The following OPHN1 variants were observed in gnomAD, a reference collection of about 807,000 sequenced individuals.
OPHN1 encodes oligophrenin 1, also known as oligophrenin-1.
A neutral mutation model predicts 60.7 loss-of-function variants in OPHN1; 11 were observed. The ratio of observed to expected loss-of-function variants is 0.18; its 90% confidence interval spans 0.11 to 0.30. OPHN1 has a LOEUF of 0.30. Among genes scored for constraint, OPHN1 ranks in the 10% least tolerant of loss-of-function variants. The probability of loss-of-function intolerance (pLI) is 1.00; values close to 1 mark genes in which losing one functional copy is unlikely to be tolerated. For synonymous variants in OPHN1, 226 were observed against 222.6 expected (o/e 1.02, Z -0.14); for missense variants, 449 against 611.0 (o/e 0.73, Z 2.80).
chrX:68,256,223 G>A (rs188458628), intron 5 of OPHN1, among the ~76,000 whole-genome samples: 9 of 111,136 alleles, frequency 8.1e-5, no homozygotes, highest in Admixed American at 1.9e-4. Flanking sequence ...TCTCCTTGGC[G>A]GGCACTATCT....
At chrX:68,130,464 G>T (rs748936797) in intron 15 of OPHN1, among the ~76,000 whole-genome samples, 1 of 111,457 alleles carries the variant, frequency 9.0e-6, no homozygotes, top group Non-Finnish European at 1.9e-5. Flanking sequence ...GCACAAATAC[G>T]TCATCACATA....
intron 6 of OPHN1, among the ~76,000 whole-genome samples, chrX:68,222,956 GA>G (rs201391248): frequency 1.5e-4 from 16 of 106,740 alleles, no homozygotes; most frequent in East Asian, 1.5e-3. Flanking sequence ...TAAATAAAAA[GA>G]AAAAAAAAGA....
chrX:68,126,925 A>G (rs1314609145), intron 15 of OPHN1, among the ~76,000 whole-genome samples: 1 of 111,869 alleles, frequency 8.9e-6, no homozygotes, highest in African/African-American at 3.2e-5. Flanking sequence ...AGAATTTTAA[A>G]CTTTTTTACT....
intron 7 of OPHN1, among the ~76,000 whole-genome samples, chrX:68,213,275 G>A (rs775767549): frequency 8.9e-6 from 1 of 111,758 alleles, no homozygotes; most frequent in East Asian, 2.8e-4. Context: ...GGAGGCTGAG[G>A]TGGGAGGATC....
At chrX:68,058,498 T>C (rs982095951) in intron 21 of OPHN1, among the ~76,000 whole-genome samples, 1 of 111,669 alleles carries the variant, frequency 9.0e-6, no homozygotes, top group African/African-American at 3.3e-5. Context: ...GAGTTAGACC[T>C]TGAGGTTAGT....
chrX:68,192,712 TG>T, intron 15 of OPHN1: 1 of 418,649 alleles, frequency 2.4e-6, no homozygotes, highest in Non-Finnish European at 4.2e-6. Context: ...CTGGAGTGAA[TG>T]GGATACGAGG....
intron 2 of OPHN1, among the ~76,000 whole-genome samples, chrX:68,389,728 T>C (rs766214405): frequency 9.2e-6 from 1 of 108,286 alleles, no homozygotes; most frequent in South Asian, 4.0e-4. Context: ...TAGAGTGTTG[T>C]GGTTAAGAGT....
intron 21 of OPHN1, among the ~76,000 whole-genome samples, chrX:68,060,290 GAA>G (rs1323494576): frequency 9.0e-6 from 1 of 111,279 alleles, no homozygotes; most frequent in East Asian, 2.8e-4. Context: ...ATGGTATAAA[GAA>G]AAAGAGTCCC....
intron 15 of OPHN1, among the ~76,000 whole-genome samples, chrX:68,157,239 T>A (rs575891690): frequency 1.8e-5 from 2 of 111,979 alleles, no homozygotes; most frequent in African/African-American, 6.5e-5. Flanking sequence ...TCCATCATAA[T>A]AGAAAGTTGT....
intron 2 of OPHN1, among the ~76,000 whole-genome samples, chrX:68,328,308 T>G (rs1037006304): frequency 3.7e-5 from 4 of 107,900 alleles, no homozygotes; most frequent in African/African-American, 1.4e-4. Flanking sequence ...TTTTGTATTT[T>G]TAGTAGAGAC....
intron 5 of OPHN1, among the ~76,000 whole-genome samples, chrX:68,264,522 G>A (rs1201260277): frequency 8.9e-6 from 1 of 112,046 alleles, no homozygotes; most frequent in Non-Finnish European, 1.9e-5. Context: ...ATCATCACTG[G>A]CCATTAGAGA....
At chrX:68,063,378 G>A (rs7877568) in intron 21 of OPHN1, among the ~76,000 whole-genome samples, 16 of 109,862 alleles carry the variant, frequency 1.5e-4, no homozygotes, top group Non-Finnish European at 2.5e-4. Context: ...AAAATTAGCC[G>A]GGCATGGTGG....
intron 21 of OPHN1, among the ~76,000 whole-genome samples, chrX:68,061,320 G>A (rs1468717296): frequency 1.8e-5 from 2 of 111,501 alleles, no homozygotes; most frequent in Admixed American, 9.5e-5. Context: ...AAGGGGAAGA[G>A]GGGAATGCCA....
chrX:68,348,315 C>T (rs993625985), intron 2 of OPHN1, among the ~76,000 whole-genome samples: 2 of 84,005 alleles, frequency 2.4e-5, no homozygotes, highest in Non-Finnish European at 4.0e-5. Context: ...AGAAACACAT[C>T]TAATTAGGTT....
chrX:68,075,219 T>G lies in OPHN1; in HGVS notation c.1687-1920A>C, dbSNP rs191775999. Among the ~76,000 whole-genome samples, 248 of 112,132 alleles carry G rather than the reference T, an allele frequency of 2.2e-3. 3 individuals are homozygous for G. Among genetic ancestry groups the G allele is most frequent in the Non-Finnish European group, 5.3e-4 (28 of 53,211 alleles). On this transcript the variant is annotated intron_variant, in intron 19 of 24. Transcript: ENST00000355520. ...GAAGGGGAACCCAAGTGGAACCCAG[T>G]AGTATCCCTACGTTGAGAAGACTGA...
chrX:68,230,350 G>T (rs1287833530), intron 6 of OPHN1, among the ~76,000 whole-genome samples: 3 of 111,786 alleles, frequency 2.7e-5, no homozygotes, highest in Non-Finnish European at 5.6e-5. Flanking sequence ...GTGGAAGGCA[G>T]TGTGGTGATT....
chrX:68,081,878 T>C (rs1265714015), intron 19 of OPHN1, among the ~76,000 whole-genome samples: 1 of 112,057 alleles, frequency 8.9e-6, no homozygotes, highest in Non-Finnish European at 1.9e-5. Flanking sequence ...CATGCCATGC[T>C]GTTTGATAGC....
intron 2 of OPHN1, among the ~76,000 whole-genome samples, chrX:68,414,294 T>C (rs150651949): frequency 0.022 from 2,497 of 111,424 alleles, 51 homozygotes; most frequent in Non-Finnish European, 0.033. Context: ...TATTGGTGAG[T>C]GTGGCTGCTG....
At chrX:68,297,964 T>C (rs890068113) in intron 3 of OPHN1, among the ~76,000 whole-genome samples, 2 of 111,951 alleles carry the variant, frequency 1.8e-5, no homozygotes, top group Non-Finnish European at 3.8e-5. Flanking sequence ...TATCTTCCTA[T>C]CATAAGTAAC....
Sources: allele counts gnomAD v4.1 joint callset (sites outside exome capture counted in the v4.1 genomes callset), GRCh38; gene constraint gnomAD v4.1.1; transcripts MANE v1.5; gene names NCBI Gene and HGNC (gene_info 2026-07-23, HGNC 2026-07-21).